NECAB1: variants seen among roughly 807,000 people sequenced by gnomAD.
The protein encoded by NECAB1 is N-terminal EF-hand calcium-binding protein 1.
Under a neutral mutation model 57.5 loss-of-function variants are expected in NECAB1, and 29 were observed. The ratio of observed to expected loss-of-function variants is 0.50; its 90% CI spans 0.38 to 0.69. The LOEUF (loss-of-function observed/expected upper bound fraction) is 0.69. Among genes scored for constraint, NECAB1 ranks in the 30% least tolerant of loss-of-function variants. NECAB1 has a pLI of 0.00. For missense variants in NECAB1, 372 were observed against 413.8 expected, an observed-to-expected ratio of 0.90 and a Z score of 0.88; for synonymous variants, 142 against 147.7, an observed-to-expected ratio of 0.96 and a Z score of 0.28.
intron 3 of NECAB1, among the ~76,000 whole-genome samples, chr8:90,845,634 A>G (rs1206279485): frequency 6.6e-6 from 1 of 152,246 alleles, no homozygotes; most frequent in Admixed American, 6.5e-5. Flanking sequence ...TTAAACCTCA[A>G]GGTACAACAC....
rs997852318 is a variant in NECAB1, at chr8:90,859,832, A to G, written c.234-12296A>G. Among the ~76,000 whole-genome samples, 3 of 152,194 alleles carry G rather than the reference A, an allele frequency of 2.0e-5. No individual in the cohort carries two copies. In the East Asian group the frequency reaches 5.8e-4, roughly 29 times the overall value. ...ATATATATTTAATATATCTTTTTTTACTTTTTCAAATTTACAGTAATCCTA... is the reference window on the plus strand; with the variant it reads ...ATATATATTTAATATATCTTTTTTTGCTTTTTCAAATTTACAGTAATCCTA... On this transcript the variant is annotated intron_variant, in intron 3 of 12. Coordinates refer to ENST00000417640, the MANE Select transcript of NECAB1 (RefSeq NM_022351.5).
intron 9 of NECAB1, among the ~76,000 whole-genome samples, chr8:90,934,847 G>A (rs977437606): frequency 6.6e-6 from 1 of 152,112 alleles, no homozygotes; most frequent in African/African-American, 2.4e-5. Context: ...GGGACAAGAT[G>A]TCCATCCAGA....
chr8:90,890,224 T>C (rs896383091), intron 5 of NECAB1, among the ~76,000 whole-genome samples: 2 of 152,178 alleles, frequency 1.3e-5, no homozygotes, highest in South Asian at 2.1e-4. Context: ...AATGGGATCA[T>C]AGGGACTGTT....
chr8:90,939,383 G>A (rs1043701704), intron 9 of NECAB1, among the ~76,000 whole-genome samples: 1 of 152,154 alleles, frequency 6.6e-6, no homozygotes, highest in Non-Finnish European at 1.5e-5. Context: ...CAGATCCAAG[G>A]GGAGGGAAAA....
chr8:90,940,650 G>A (rs1253634685), intron 9 of NECAB1, 136 bp from the exon 10 acceptor site: 3 of 660,330 alleles, frequency 4.5e-6, no homozygotes, highest in African/African-American at 3.6e-5. Context: ...ACTTGGAATA[G>A]TCATGGCCTT....
chr8:90,898,838 C>T (rs898026223), intron 5 of NECAB1, among the ~76,000 whole-genome samples: 19 of 152,210 alleles, frequency 1.2e-4, no homozygotes, highest in Admixed American at 5.2e-4. Context: ...TCTCTCTTCA[C>T]CTTCCTAATA....
intron 3 of NECAB1, among the ~76,000 whole-genome samples, chr8:90,869,867 G>C (rs140633357): frequency 1.0e-3 from 152 of 152,210 alleles, no homozygotes; most frequent in African/African-American, 3.0e-3. Flanking sequence ...ATGAGATTTG[G>C]GAGGCATAGG....
At chr8:90,828,131 G>GTTTTTTTTTTTT (rs397961666) in intron 3 of NECAB1, among the ~76,000 whole-genome samples, 2 of 143,496 alleles carry the variant, frequency 1.4e-5, no homozygotes, top group Non-Finnish European at 1.5e-5. Context: ...GTTCACTGCA[G>GTTTTTTTTTTTT]TTTTTTTTTT....
chr8:90,821,506 AC>A (rs1484367088), intron 2 of NECAB1, among the ~76,000 whole-genome samples: 1 of 151,496 alleles, frequency 6.6e-6, no homozygotes, highest in Admixed American at 6.6e-5. Flanking sequence ...TCAGTTTCCA[AC>A]CCAAGTCTTT....
chr8:90,922,486 A>AGTTTTTTTTTTTTTTTT (rs1554576090), intron 6 of NECAB1, among the ~76,000 whole-genome samples: 1 of 57,520 alleles, frequency 1.7e-5, no homozygotes, highest in African/African-American at 5.9e-5. Flanking sequence ...AAAAACTTGG[A>AGTTTTTTTTTTTTTTTT]TTTTTTTTTT....
intron 5 of NECAB1, among the ~76,000 whole-genome samples, chr8:90,904,895 A>G (rs1405617677): frequency 6.6e-6 from 1 of 152,178 alleles, no homozygotes; most frequent in Non-Finnish European, 1.5e-5. Context: ...ATGAAAACAA[A>G]AGAGTTAAAT....
At chr8:90,823,379 C>T (rs535601894) in intron 2 of NECAB1, among the ~76,000 whole-genome samples, 9 of 145,570 alleles carry the variant, frequency 6.2e-5, no homozygotes, top group Admixed American at 1.3e-4. Context: ...ATATTTTTTG[C>T]AAATAAGGAT....
At chr8:90,833,390 C>CAA (rs5893137) in intron 3 of NECAB1, among the ~76,000 whole-genome samples, 108 of 150,872 alleles carry the variant, frequency 7.2e-4, no homozygotes, top group African/African-American at 2.5e-3. Context: ...CTATTCCTCC[C>CAA]AAAAAAAAGC....
chr8:90,859,176 A>G (rs1812849959), intron 3 of NECAB1: 2 of 152,238 alleles, frequency 1.3e-5, no homozygotes, highest in Admixed American at 6.5e-5. Flanking sequence ...CTGGATGAAT[A>G]TAGCTGGGCA....
intron 10 of NECAB1, among the ~76,000 whole-genome samples, chr8:90,946,206 A>G (rs1810801393): frequency 6.6e-6 from 1 of 152,206 alleles, no homozygotes; most frequent in Admixed American, 6.5e-5. Flanking sequence ...CTGTAAAGCA[A>G]TTCTGGTTAG....
At chr8:90,929,875 C>T (rs547848797) in intron 8 of NECAB1, among the ~76,000 whole-genome samples, 6 of 152,060 alleles carry the variant, frequency 3.9e-5, no homozygotes, top group African/African-American at 1.4e-4. Context: ...AGTAGATTGG[C>T]CTGGTTAAGA....
chr8:90,840,967 A>AAT (rs1167793323), intron 3 of NECAB1, among the ~76,000 whole-genome samples: 1 of 151,052 alleles, frequency 6.6e-6, no homozygotes, highest in African/African-American at 2.4e-5. Context: ...AAAAAAAAAA[A>AAT]GTGACCAAAG....
At chr8:90,936,055 G>T (rs545521888) in intron 9 of NECAB1, among the ~76,000 whole-genome samples, 6 of 152,130 alleles carry the variant, frequency 3.9e-5, no homozygotes, top group African/African-American at 9.6e-5. Flanking sequence ...ATTAAAAGTT[G>T]TTTTTTTAAT....
Position 90,934,338 on chromosome 8 carries a change from T to G in NECAB1, c.728T>G (p.Ile243Ser). The change falls in exon 9 of 13, where the codon ATT becomes AGT. Residue 243 changes from isoleucine (I) to serine (S), a missense_variant. By Grantham distance (142) the Ile-to-Ser change is moderately radical. Coordinates refer to ENST00000417640, the MANE Select transcript of NECAB1 (RefSeq NM_022351.5). ...LKLEPPEEEIIEGNTKSHIML... is the reference protein window; with the variant it reads ...LKLEPPEEEISEGNTKSHIML... ...CTCGAACCACCAGAAGAAGAAATTATTGAAGGGAATACTAAATCTGTAAGT... is the reference window on the plus strand; with the variant it reads ...CTCGAACCACCAGAAGAAGAAATTAGTGAAGGGAATACTAAATCTGTAAGT... The G allele has an allele frequency of 2.0e-6, 3 of 1,514,508 alleles. No individual in the cohort carries two copies. The highest frequency in any genetic ancestry group is 2.7e-6 in the Non-Finnish European group (3 of 1,130,216). 93.8% of individuals were successfully genotyped at this position (1,514,508 alleles called of 1,614,324 possible).
Sources: gnomAD v4.1 joint callset for allele counts (sites outside exome capture counted in the v4.1 genomes callset) on GRCh38, gnomAD v4.1.1 for gene constraint, MANE v1.5 for transcripts, NCBI Gene and HGNC (gene_info 2026-07-23, HGNC 2026-07-21) for gene names.